The following PARVA variants were observed in gnomAD, a reference collection of about 807,000 sequenced individuals.
The protein encoded by PARVA is parvin alpha.
Under a neutral mutation model 52.6 loss-of-function variants are expected in PARVA, and 25 were observed. The observed-to-expected ratio is 0.48, with a 90% confidence interval of 0.35 to 0.66. The LOEUF (loss-of-function observed/expected upper bound fraction) is 0.66, where lower values mean the gene tolerates loss of function less well. Ranked by LOEUF, PARVA falls within the 30% of genes least tolerant of loss-of-function variation. The pLI, the probability that PARVA is intolerant of heterozygous loss-of-function variation, is 0.01. For synonymous variants in PARVA, 185 were observed against 179.1 expected, an observed-to-expected ratio of 1.03 and a Z score of -0.26; for missense variants, 373 against 450.9, an observed-to-expected ratio of 0.83 and a Z score of 1.56.
chr11:12,498,482 C>T (rs1246694125), intron 5 of PARVA, among the ~76,000 whole-genome samples: 1 of 151,644 alleles, frequency 6.6e-6, no homozygotes, highest in Non-Finnish European at 1.5e-5. Context: ...TCTAGCTTTT[C>T]ATTTGTTTGT....
upstream of PARVA, chr11:12,377,285 A>C (rs567802016): frequency 4.2e-4 from 237 of 569,370 alleles, 1 homozygote; most frequent in African/African-American, 4.1e-3. Flanking sequence ...GTTTTGCGCC[A>C]GGCTGTGTGG....
intron 1 of PARVA, among the ~76,000 whole-genome samples, chr11:12,391,379 C>T (rs1025265277): frequency 3.9e-5 from 6 of 152,254 alleles, no homozygotes; most frequent in East Asian, 3.9e-4. Context: ...ATCCCAGTGT[C>T]GCCTCTTCAG....
At chr11:12,468,431 G>A (rs781032699) in intron 1 of PARVA, among the ~76,000 whole-genome samples, 12 of 152,218 alleles carry the variant, frequency 7.9e-5, no homozygotes, top group South Asian at 4.2e-4. Flanking sequence ...GATGTATTCC[G>A]GAGTAAAAGA....
At chr11:12,465,026 A>G (rs1055556116) in intron 1 of PARVA, among the ~76,000 whole-genome samples, 9 of 152,304 alleles carry the variant, frequency 5.9e-5, no homozygotes, top group African/African-American at 1.9e-4. Context: ...TTGCGCTCCT[A>G]TGAGAATCTA....
chr11:12,492,393 A>C (rs963565429), intron 4 of PARVA, among the ~76,000 whole-genome samples: 1 of 152,212 alleles, frequency 6.6e-6, no homozygotes, highest in Non-Finnish European at 1.5e-5. Flanking sequence ...GTAACTATGG[A>C]AACATGAGAG....
At chr11:12,392,681 T>G (rs892113144) in intron 1 of PARVA, among the ~76,000 whole-genome samples, 1 of 152,238 alleles carries the variant, frequency 6.6e-6, no homozygotes, top group African/African-American at 2.4e-5. Flanking sequence ...ACTATGAATT[T>G]GCATGTACAA....
intron 1 of PARVA, among the ~76,000 whole-genome samples, chr11:12,463,029 T>G (rs998720140): frequency 6.6e-6 from 1 of 151,846 alleles, no homozygotes; most frequent in Non-Finnish European, 1.5e-5. Context: ...CAACCCTTCA[T>G]GAACACTATA....
chr11:12,438,409 A>G (rs1257914047), intron 1 of PARVA, among the ~76,000 whole-genome samples: 4 of 152,138 alleles, frequency 2.6e-5, no homozygotes, highest in Non-Finnish European at 5.9e-5. Flanking sequence ...CACACCAGAG[A>G]CAGGAAATCA....
In PARVA at chr11:12,490,598, C is replaced by T. The variant is rs560579021; in HGVS notation, c.401-5860C>T. ...AGAGGGTTTATTACCAATAGACCCC[C>T]GCAAAGGAATTTCTCAAGAATGTAA... On this transcript the variant is annotated intron_variant, in intron 4 of 12. Coordinates refer to ENST00000334956, the MANE Select transcript of PARVA (RefSeq NM_018222.5). Among the ~76,000 whole-genome samples the T allele has an allele frequency of 2.4e-3, 370 of 151,396 alleles. 2 individuals are homozygous for T. Among genetic ancestry groups the T allele is most frequent in the South Asian group, 0.014 (67 of 4,774 alleles).
At chr11:12,405,809 T>G (rs1232740193) in intron 1 of PARVA, among the ~76,000 whole-genome samples, 1 of 151,840 alleles carries the variant, frequency 6.6e-6, no homozygotes, top group African/African-American at 2.4e-5. Context: ...AATACAAAAA[T>G]TAGCTGGGCG....
chr11:12,448,654 G>A (rs7930590), intron 1 of PARVA, among the ~76,000 whole-genome samples: 37,483 of 152,112 alleles, frequency 0.25, 6,150 homozygotes, highest in African/African-American at 0.47. Flanking sequence ...TGTTGAGCCC[G>A]AGTCAGCCTC....
At chr11:12,429,327 G>C (rs1940282265) in intron 1 of PARVA, among the ~76,000 whole-genome samples, 1 of 152,082 alleles carries the variant, frequency 6.6e-6, no homozygotes, top group Non-Finnish European at 1.5e-5. Flanking sequence ...GAGAAATAGG[G>C]AGAACAAACC....
chr11:12,490,692 G>C (rs1264364678), intron 4 of PARVA, among the ~76,000 whole-genome samples: 1 of 152,062 alleles, frequency 6.6e-6, no homozygotes, highest in Non-Finnish European at 1.5e-5. Flanking sequence ...ATCATGGTGG[G>C]TAGATCAAAG....
chr11:12,491,157 C>T (rs1564861034), intron 4 of PARVA, among the ~76,000 whole-genome samples: 1 of 152,082 alleles, frequency 6.6e-6, no homozygotes, highest in Non-Finnish European at 1.5e-5. Flanking sequence ...ATACTATATA[C>T]AAGAGATAGT....
intron 1 of PARVA, among the ~76,000 whole-genome samples, chr11:12,447,091 G>A (rs1940557750): frequency 6.6e-6 from 1 of 152,164 alleles, no homozygotes; most frequent in African/African-American, 2.4e-5. Context: ...TTCCATCTAT[G>A]TGTTACTCAA....
chr11:12,380,240 G>A (rs1446242948), intron 1 of PARVA, among the ~76,000 whole-genome samples: 2 of 140,246 alleles, frequency 1.4e-5, no homozygotes, highest in Non-Finnish European at 3.1e-5. Flanking sequence ...AAGGGCTATT[G>A]ACAGAGCTGT....
intron 1 of PARVA, chr11:12,453,087 G>C (rs1311967278): frequency 4.6e-6 from 2 of 430,780 alleles, no homozygotes; most frequent in Admixed American, 2.5e-5. Context: ...ATTCTTTGTT[G>C]GGGGGGCGCC....
At chr11:12,524,712 C>T (rs539407629) in intron 12 of PARVA, among the ~76,000 whole-genome samples, 2 of 152,320 alleles carry the variant, frequency 1.3e-5, no homozygotes, top group African/African-American at 4.8e-5. Flanking sequence ...CTTGTCCACC[C>T]TCTCTGGAAT....
At chr11:12,489,758 G>C (rs978942352) in intron 4 of PARVA, among the ~76,000 whole-genome samples, 3 of 152,008 alleles carry the variant, frequency 2.0e-5, no homozygotes, top group African/African-American at 7.2e-5. Context: ...ATTTATAAAG[G>C]AACAACAGAC....
Sources: gnomAD v4.1 joint callset for allele counts (sites outside exome capture counted in the v4.1 genomes callset) on GRCh38, gnomAD v4.1.1 for gene constraint, MANE v1.5 for transcripts, NCBI Gene and HGNC (gene_info 2026-07-23, HGNC 2026-07-21) for gene names.